Variants in CAMK2D observed in about 807,000 individuals in gnomAD.
The protein encoded by CAMK2D is calcium/calmodulin-dependent protein kinase type II subunit delta.
CAMK2D carries 37 observed loss-of-function variants against 84.0 expected under a neutral mutation model. The observed-to-expected ratio is 0.44, with a 90% CI of 0.34 to 0.58. The LOEUF (loss-of-function observed/expected upper bound fraction) is 0.58, where lower values mean the gene tolerates loss of function less well. CAMK2D is among the 20% of genes least tolerant of loss of function. CAMK2D has a pLI of 0.02. For missense variants in CAMK2D, 448 were observed against 652.5 expected, an observed-to-expected ratio of 0.69 and a Z score of 3.41; for synonymous variants, 202 against 212.5, an observed-to-expected ratio of 0.95 and a Z score of 0.43.
intron 4 of CAMK2D, among the ~76,000 whole-genome samples, chr4:113,591,520 C>G (rs1362760064): frequency 1.3e-5 from 2 of 152,170 alleles, no homozygotes; most frequent in Non-Finnish European, 2.9e-5. Flanking sequence ...CAATGTTCTC[C>G]AACTTGTAGC....
chr4:113,548,560 A>G (rs1050810667), intron 5 of CAMK2D: 4 of 594,396 alleles, frequency 6.7e-6, no homozygotes, highest in African/African-American at 5.8e-5. Context: ...AAGTTGGGAA[A>G]GGCAAGGGAA....
chr4:113,689,997 T>TA (rs774597367), intron 2 of CAMK2D, among the ~76,000 whole-genome samples: 5 of 152,204 alleles, frequency 3.3e-5, no homozygotes, highest in Admixed American at 6.5e-5. Context: ...ATGAAAGAAT[T>TA]AACATTAAGT....
rs1249137065 is a variant in CAMK2D, at chr4:113,487,906, A to G, written c.1135+12557T>C. On this transcript the variant is annotated intron_variant, in intron 16 of 20. Coordinates refer to ENST00000511664, the MANE Select transcript of CAMK2D (RefSeq NM_001321571.2). Reference sequence around the variant, plus strand: ...TCTATTAATAGTATTGCATCACAGTAGAGTAGAAAAAGAGCTTAAAAGTCT... The same window carrying G: ...TCTATTAATAGTATTGCATCACAGTGGAGTAGAAAAAGAGCTTAAAAGTCT... Among the ~76,000 whole-genome samples the G allele has an allele frequency of 2.6e-5, 4 of 152,156 alleles. No homozygotes were observed. In the East Asian group the frequency reaches 5.8e-4, roughly 22 times the overall value.
intron 4 of CAMK2D, among the ~76,000 whole-genome samples, chr4:113,582,723 T>C (rs2098816312): frequency 6.6e-6 from 1 of 152,256 alleles, no homozygotes; most frequent in Admixed American, 6.5e-5. Flanking sequence ...TTCTTTAAGC[T>C]AGAACTTCAT....
chr4:113,704,745 G>C (rs2099437635), intron 2 of CAMK2D, among the ~76,000 whole-genome samples: 1 of 151,724 alleles, frequency 6.6e-6, no homozygotes, highest in African/African-American at 2.4e-5. Flanking sequence ...ATTTACTCTA[G>C]GTTAAGAACC....
At chr4:113,584,224 T>C (rs1412106413) in intron 4 of CAMK2D, among the ~76,000 whole-genome samples, 1 of 152,108 alleles carries the variant, frequency 6.6e-6, no homozygotes, top group African/African-American at 2.4e-5. Flanking sequence ...CAAGAACCTA[T>C]GGGGAGTAGA....
At chr4:113,604,856 T>C (rs1422408649) in intron 4 of CAMK2D, among the ~76,000 whole-genome samples, 1 of 152,212 alleles carries the variant, frequency 6.6e-6, no homozygotes, top group Non-Finnish European at 1.5e-5. Context: ...ATACAGAAGC[T>C]ATAAATTTTA....
rs543656055 is a variant in CAMK2D, at chr4:113,494,395, T to G, written c.1135+6068A>C. 6.7e-4 allele frequency among the ~76,000 whole-genome samples: 102 copies of G among 152,266 alleles called. 4 individuals are homozygous for G. In the South Asian group the frequency reaches 0.018, roughly 27 times the overall value. On this transcript the variant is annotated intron_variant, in intron 16 of 20. Transcript: ENST00000511664. The stretch of plus-strand genomic sequence containing the variant: ...CAGCTGCAGGTCTGTTGGAGTACCC[T>G]GCCGTGTGAGGTGTCAGTGTGCCCC...
intron 3 of CAMK2D, among the ~76,000 whole-genome samples, chr4:113,635,996 G>C (rs918157075): frequency 2.6e-5 from 4 of 152,166 alleles, no homozygotes; most frequent in Non-Finnish European, 5.9e-5. Flanking sequence ...GTTGCATGCT[G>C]TCAACTTCTG....
chr4:113,668,193 AC>A (rs1171211573), intron 2 of CAMK2D, among the ~76,000 whole-genome samples: 1 of 152,198 alleles, frequency 6.6e-6, no homozygotes, highest in African/African-American at 2.4e-5. Flanking sequence ...AGTTTCATCT[AC>A]GGAGGAAAAT....
At position 113,759,936 on chromosome 4, in the gene CAMK2D, G is replaced by A. The variant is rs74443563; in HGVS notation, c.66-522C>T. Among the ~76,000 whole-genome samples the A allele has an allele frequency of 7.4e-3, 1,129 of 152,222 alleles. 15 individuals carry two copies. Among genetic ancestry groups the A allele is most frequent in the African/African-American group, 0.025 (1,059 of 41,538 alleles). On this transcript the variant is annotated intron_variant, in intron 1 of 20. Coordinates refer to ENST00000511664, the MANE Select transcript of CAMK2D (RefSeq NM_001321571.2). Reference sequence around the variant, plus strand: ...CCTTGTTTTGGACTGGGGGAGGGGAGAGATTTGAATTAAGCTGCTCTTCCG... The same window carrying A: ...CCTTGTTTTGGACTGGGGGAGGGGAAAGATTTGAATTAAGCTGCTCTTCCG...
chr4:113,584,075 G>A (rs1411224626), intron 4 of CAMK2D, among the ~76,000 whole-genome samples: 1 of 152,176 alleles, frequency 6.6e-6, no homozygotes, highest in Non-Finnish European at 1.5e-5. Flanking sequence ...CTATGCCTGG[G>A]TATCTCAAGT....
intron 4 of CAMK2D, among the ~76,000 whole-genome samples, chr4:113,603,671 A>G (rs2098963612): frequency 6.7e-6 from 1 of 149,592 alleles, no homozygotes; most frequent in Non-Finnish European, 1.5e-5. Context: ...ATAAAAATAT[A>G]TAAATTTAAA....
chr4:113,654,881 C>T (rs536886977), intron 3 of CAMK2D, among the ~76,000 whole-genome samples: 12 of 151,630 alleles, frequency 7.9e-5, no homozygotes, highest in African/African-American at 2.4e-4. Flanking sequence ...CTATATACAA[C>T]ATATATATCA....
At chr4:113,657,349 A>T (rs2154307553) in intron 3 of CAMK2D, among the ~76,000 whole-genome samples, 1 of 152,254 alleles carries the variant, frequency 6.6e-6, no homozygotes, top group East Asian at 1.9e-4. Context: ...AGCTTTGGGA[A>T]AAGAGGGCCA....
At chr4:113,707,327 A>G (rs1316926504) in intron 2 of CAMK2D, among the ~76,000 whole-genome samples, 4 of 152,226 alleles carry the variant, frequency 2.6e-5, no homozygotes, top group Admixed American at 6.5e-5. Context: ...GAAAAAGAAG[A>G]AAGATCAAAA....
chr4:113,656,733 T>C (rs7691921), intron 3 of CAMK2D, among the ~76,000 whole-genome samples: 7,603 of 152,134 alleles, frequency 0.05, 534 homozygotes, highest in African/African-American at 0.16. Context: ...CTCTTTTCTC[T>C]TTTTCATGAT....
rs747037923 is a variant in CAMK2D at position 113,500,447 on chromosome 4, T to C, written c.1135+16A>G. 22 of 1,537,740 alleles carry C rather than the reference T, an allele frequency of 1.4e-5. No individual in the cohort carries two copies. The highest frequency in any genetic ancestry group is 1.8e-5 in the Non-Finnish European group (20 of 1,118,308). The stretch of plus-strand genomic sequence containing the variant: ...AAGCTCTGAGGTAGGATTTTCCATT[T>C]CTGGTTAAATCATACCTTTCACATC... On this transcript the variant is annotated intron_variant, in intron 16 of 20. Coordinates refer to ENST00000511664, the MANE Select transcript of CAMK2D (RefSeq NM_001321571.2).
intron 3 of CAMK2D, among the ~76,000 whole-genome samples, chr4:113,655,281 C>T (rs183502050): frequency 7.9e-5 from 12 of 152,084 alleles, no homozygotes; most frequent in African/African-American, 2.9e-4. Flanking sequence ...TAACACTATG[C>T]CTCTTATTAT....
Sources: allele counts gnomAD v4.1 joint callset (sites outside exome capture counted in the v4.1 genomes callset), GRCh38; gene constraint gnomAD v4.1.1; transcripts MANE v1.5; gene names NCBI Gene and HGNC (gene_info 2026-07-23, HGNC 2026-07-21).